The following EIF2AK3 variants were observed in gnomAD, a reference collection of about 807,000 sequenced individuals.
EIF2AK3 encodes eukaryotic translation initiation factor 2 alpha kinase 3, also known as eukaryotic translation initiation factor 2-alpha kinase 3.
A neutral mutation model predicts 113.5 loss-of-function variants in EIF2AK3; 50 were observed. The ratio of observed to expected loss-of-function variants is 0.44; its 90% CI spans 0.35 to 0.56. EIF2AK3 has a LOEUF of 0.56. EIF2AK3 is among the 20% of genes least tolerant of loss of function. The probability of loss-of-function intolerance (pLI) is 0.00; values close to 1 mark genes in which losing one functional copy is unlikely to be tolerated. For synonymous variants in EIF2AK3, 448 were observed against 495.4 expected, an observed-to-expected ratio of 0.90 and a Z score of 1.27; for missense variants, 1,185 against 1,378.0, an observed-to-expected ratio of 0.86 and a Z score of 2.22.
chr2:88,561,311 G>T (rs889705578), intron 15 of EIF2AK3, among the ~76,000 whole-genome samples: 6 of 151,022 alleles, frequency 4.0e-5, no homozygotes, highest in Non-Finnish European at 7.4e-5. Context: ...ACCCAGGCTG[G>T]AGTGCAGTGG....
chr2:88,567,280 T>C (rs1206566369), intron 14 of EIF2AK3, among the ~76,000 whole-genome samples: 1 of 152,178 alleles, frequency 6.6e-6, no homozygotes, highest in Non-Finnish European at 1.5e-5. Context: ...ACACATCTAT[T>C]TATTTGTTGT....
intron 14 of EIF2AK3, 72 bp from the exon 15 acceptor site, chr2:88,562,462 A>G: frequency 7.9e-7 from 1 of 1,262,732 alleles, no homozygotes; most frequent in Non-Finnish European, 1.2e-6. Context: ...GCATTATTGA[A>G]TCCCAAAGTT....
intron 4 of EIF2AK3, among the ~76,000 whole-genome samples, chr2:88,592,625 T>C (rs1674915813): frequency 6.6e-6 from 1 of 151,976 alleles, no homozygotes; most frequent in African/African-American, 2.4e-5. Context: ...TAGCCGGGCA[T>C]GGTGGCGCAT....
At chr2:88,575,823 G>T (rs1307784573) in intron 12 of EIF2AK3, among the ~76,000 whole-genome samples, 1 of 152,120 alleles carries the variant, frequency 6.6e-6, no homozygotes, top group Non-Finnish European at 1.5e-5. Flanking sequence ...GTCCTTCTAT[G>T]GCTTAGTTAT....
chr2:88,602,147 G>T (rs866783453), intron 2 of EIF2AK3, among the ~76,000 whole-genome samples: 7 of 152,132 alleles, frequency 4.6e-5, no homozygotes, highest in Non-Finnish European at 2.9e-5. Flanking sequence ...CACTACTCCC[G>T]GCCTAGTTAG....
intron 1 of EIF2AK3, among the ~76,000 whole-genome samples, chr2:88,624,256 G>A (rs183906632): frequency 6.7e-4 from 102 of 152,294 alleles, no homozygotes; most frequent in African/African-American, 2.3e-3. Flanking sequence ...GCCTCCCAAA[G>A]TGCTGGGATA....
At chr2:88,619,507 A>G (rs1233448623) in intron 1 of EIF2AK3, among the ~76,000 whole-genome samples, 1 of 152,196 alleles carries the variant, frequency 6.6e-6, no homozygotes. Flanking sequence ...GGCTCAGGAA[A>G]CTTCTTTCCC....
chr2:88,563,962 G>A (rs973839156), intron 14 of EIF2AK3, among the ~76,000 whole-genome samples: 2 of 151,982 alleles, frequency 1.3e-5, no homozygotes, highest in African/African-American at 4.8e-5. Flanking sequence ...GTATTCCCTA[G>A]AGGACAGATA....
intron 1 of EIF2AK3, among the ~76,000 whole-genome samples, chr2:88,618,878 A>G (rs1340777737): frequency 6.6e-6 from 1 of 151,906 alleles, no homozygotes; most frequent in Non-Finnish European, 1.5e-5. Flanking sequence ...TAACTGCCAG[A>G]TTCACTCCCC....
chr2:88,578,856 G>T (rs565755940), intron 11 of EIF2AK3, among the ~76,000 whole-genome samples: 9 of 151,800 alleles, frequency 5.9e-5, no homozygotes, highest in African/African-American at 2.2e-4. Flanking sequence ...TACTGCAAAG[G>T]TTTTTTTTAT....
chr2:88,565,733 A>G (rs1674098998), intron 14 of EIF2AK3, among the ~76,000 whole-genome samples: 1 of 152,160 alleles, frequency 6.6e-6, no homozygotes, highest in South Asian at 2.1e-4. Flanking sequence ...AAGTCCCACT[A>G]CTCAGAAGCA....
chr2:88,606,766 C>T (rs963390847), intron 2 of EIF2AK3, among the ~76,000 whole-genome samples: 3 of 152,098 alleles, frequency 2.0e-5, no homozygotes, highest in African/African-American at 7.2e-5. Context: ...TTTCAAAGCC[C>T]TTATATTAGT....
In EIF2AK3 at chr2:88,590,497, C is replaced by T. The variant is rs1201810520; in HGVS notation, c.1111G>A (p.Glu371Lys). The T allele has an allele frequency of 3.7e-6, 6 of 1,613,862 alleles. No individual in the cohort carries two copies. Among genetic ancestry groups the T allele is most frequent in the Middle Eastern group, 1.7e-4 (1 of 6,048 alleles). Residue 371 changes from glutamate to lysine, a missense_variant, in exon 6 of 17, where the codon GAA becomes AAA. By Grantham distance (56) the Glu-to-Lys change is moderately conservative. Around this residue, in one of 3 missense-constraint regions of EIF2AK3, gnomAD observed 877 missense variants for 1,024.2 expected, o/e 0.86. Transcript: ENST00000303236. ...CTGGCAGCTTCTACAATGTCTTCTT[C>T]ATCTTCTAAAACATCATCATTAGAT... ...YTSNDDVLED[E>K]EDIVEAARGA...
Position 88,627,386 on chromosome 2 carries a change from C to G in EIF2AK3, c.-112G>C, listed in dbSNP as rs901241889. The G allele has an allele frequency of 7.8e-7, 1 of 1,277,788 alleles. No individual in the cohort carries two copies. The highest frequency in any genetic ancestry group is 1.0e-6 in the Non-Finnish European group (1 of 994,704). 79.2% of individuals were successfully genotyped at this position (1,277,788 alleles called of 1,614,324 possible). ...CGTGCTAGGGACCCTACTGCCGCCC[C>G]GACGGCCTGGACAGCCAGCCGTGTT... On this transcript the variant is annotated 5_prime_UTR_variant, in exon 1 of 17. Coordinates refer to ENST00000303236, the MANE Select transcript of EIF2AK3 (RefSeq NM_004836.7).
chr2:88,604,133 A>G (rs145778906), intron 2 of EIF2AK3, among the ~76,000 whole-genome samples: 91 of 152,074 alleles, frequency 6.0e-4, no homozygotes, highest in Middle Eastern at 3.4e-3. Context: ...GTTTCAGTCC[A>G]TTTTCTACAG....
chr2:88,575,224 C>T lies in EIF2AK3; in HGVS notation c.2259G>A (p.Glu753=). 6.2e-7 allele frequency: 1 copy of T among 1,612,880 alleles called. No individual in the cohort carries two copies. The highest frequency in any genetic ancestry group is 8.5e-7 in the Non-Finnish European group (1 of 1,179,112). ...FSGMDHEDIS[E]SVDAAYNLQD... is the part of the protein sequence containing the mutation. ...GGAGGTTGTATGCTGCATCCACTGACTCACTGATGTCCTCATGGTCCATTC... is the reference window on the plus strand; with the variant it reads ...GGAGGTTGTATGCTGCATCCACTGATTCACTGATGTCCTCATGGTCCATTC... The change falls in exon 13 of 17, where the codon GAG becomes GAA. Residue 753 remains glutamate (E), a synonymous_variant. Transcript: ENST00000303236.
At chr2:88,597,230 T>C (rs373536024) in intron 2 of EIF2AK3, among the ~76,000 whole-genome samples, 159 of 152,310 alleles carry the variant, frequency 1.0e-3, no homozygotes, top group African/African-American at 3.7e-3. Flanking sequence ...CTAATTCACT[T>C]CTTTCTTTCA....
chr2:88,615,252 C>T (rs906763601), intron 1 of EIF2AK3, among the ~76,000 whole-genome samples: 3 of 152,226 alleles, frequency 2.0e-5, no homozygotes, highest in African/African-American at 4.8e-5. Context: ...CTCCCCCTTA[C>T]GCATTCGTGA....
chr2:88,579,923 T>C (rs1674555479), intron 10 of EIF2AK3: 1 of 370,282 alleles, frequency 2.7e-6, no homozygotes, highest in Non-Finnish European at 5.1e-6. Context: ...GCACTAGTGA[T>C]GTGTGCTGTC....
Sources: gnomAD v4.1 joint callset for allele counts (sites outside exome capture counted in the v4.1 genomes callset) on GRCh38, gnomAD v4.1.1 for gene constraint, gnomAD v4.1.1 regional missense constraint, MANE v1.5 for transcripts, NCBI Gene and HGNC (gene_info 2026-07-23, HGNC 2026-07-21) for gene names.